BICC1: variants seen among roughly 807,000 people sequenced by gnomAD.
The protein encoded by BICC1 is protein bicaudal C homolog 1.
BICC1 carries 43 observed loss-of-function variants against 111.0 expected under a neutral mutation model. The observed-to-expected ratio is 0.39, with a 90% CI of 0.30 to 0.50. The LOEUF is 0.50. BICC1 is among the 20% of genes least tolerant of loss of function. The probability of loss-of-function intolerance (pLI) is 0.88; values close to 1 mark genes in which losing one functional copy is unlikely to be tolerated. For missense variants in BICC1, 1,091 were observed against 1,203.2 expected (o/e 0.91, Z 1.38); for synonymous variants, 467 against 434.4 (o/e 1.07, Z -0.93).
intron 1 of BICC1, among the ~76,000 whole-genome samples, chr10:58,591,431 C>T (rs1844615199): frequency 2.6e-5 from 4 of 152,130 alleles, no homozygotes; most frequent in Admixed American, 2.6e-4. Context: ...AAAGATCAAG[C>T]GTCTGGCCTT....
intron 1 of BICC1, among the ~76,000 whole-genome samples, chr10:58,611,507 G>A (rs1462911489): frequency 1.3e-5 from 2 of 148,252 alleles, no homozygotes; most frequent in Middle Eastern, 3.5e-3. Context: ...ACAGAATCTC[G>A]CACTGTTGCC....
chr10:58,757,036 A>AC (rs1842167916), intron 3 of BICC1, among the ~76,000 whole-genome samples: 1 of 152,114 alleles, frequency 6.6e-6, no homozygotes, highest in African/African-American at 2.4e-5. Context: ...TTTCTTAGTT[A>AC]CTCTAATAAC....
At chr10:58,628,994 A>C (rs1413235735) in intron 2 of BICC1, among the ~76,000 whole-genome samples, 1 of 152,180 alleles carries the variant, frequency 6.6e-6, no homozygotes, top group African/African-American at 2.4e-5. Flanking sequence ...TGGTGGCTAG[A>C]CTGTGAAAGT....
At chr10:58,701,814 A>G (rs868640018) in intron 2 of BICC1, among the ~76,000 whole-genome samples, 9 of 152,136 alleles carry the variant, frequency 5.9e-5, no homozygotes, top group East Asian at 1.9e-4. Context: ...GTTTGTGTCT[A>G]TGTTAAAATT....
In BICC1 at chr10:58,705,885, T is replaced by C. The variant is rs942244483; in HGVS notation, c.307+3742T>C. 4.4e-4 allele frequency among the ~76,000 whole-genome samples: 67 copies of C among 152,282 alleles called. 1 individual carries two copies. The highest frequency in any genetic ancestry group is 1.6e-3 in the African/African-American group (66 of 41,562). ...ACATCTCTAGAGTATTTGAAATTATTGGAAGGTTGAGTCATCATTAGAGCT... is the reference window on the plus strand; with the variant it reads ...ACATCTCTAGAGTATTTGAAATTATCGGAAGGTTGAGTCATCATTAGAGCT... On this transcript the variant is annotated intron_variant, in intron 3 of 20. Transcript: ENST00000373886.
intron 1 of BICC1, among the ~76,000 whole-genome samples, chr10:58,591,833 T>C (rs754635328): frequency 2.0e-5 from 3 of 152,246 alleles, no homozygotes; most frequent in South Asian, 2.1e-4. Context: ...TACGGATGGT[T>C]GAATGAATGA....
intron 3 of BICC1, among the ~76,000 whole-genome samples, chr10:58,751,541 C>T (rs181720283): frequency 6.6e-6 from 1 of 152,144 alleles, no homozygotes; most frequent in Admixed American, 6.5e-5. Context: ...TTCATTTGTT[C>T]TCTCTGTGTG....
At chr10:58,513,375 T>G in intron 1 of BICC1, 42 bp downstream of exon 1, 1 of 1,513,594 alleles carries the variant, frequency 6.6e-7, no homozygotes, top group Non-Finnish European at 8.9e-7. Flanking sequence ...ACTGAGCCTC[T>G]AACTCCTTTT....
In BICC1 at chr10:58,800,312, C is replaced by T; in HGVS notation, c.1844C>T (p.Ser615Leu). Residue 615 changes from serine to leucine, a missense_variant, in exon 13 of 21, where the codon TCA (serine) becomes TTA (leucine). By Grantham distance (145) the Ser-to-Leu change is moderately radical (BLOSUM62 -2). Around this residue, in one of 3 missense-constraint regions of BICC1, gnomAD observed 843 missense variants for 900.8 expected, o/e 0.94. Coordinates refer to ENST00000373886, the MANE Select transcript of BICC1 (RefSeq NM_001080512.3). ...TSGSEQTSPKSSPTEGCNDAF... is the reference protein window; with the variant it reads ...TSGSEQTSPKLSPTEGCNDAF... ...GGGTCTGAGCAGACATCTCCCAAAT[C>T]AAGCCCCACTGAAGGTCGGGAACTG... 6.2e-7 allele frequency: 1 copy of T among 1,613,546 alleles called. No homozygotes were observed. The highest frequency in any genetic ancestry group is 8.5e-7 in the Non-Finnish European group (1 of 1,179,732).
chr10:58,576,679 A>G (rs1325301803), intron 1 of BICC1, among the ~76,000 whole-genome samples: 1 of 152,192 alleles, frequency 6.6e-6, no homozygotes, highest in Non-Finnish European at 1.5e-5. Context: ...AAAGTGAGGG[A>G]GATATGTATA....
chr10:58,518,887 G>A (rs183840745), intron 1 of BICC1, among the ~76,000 whole-genome samples: 1 of 152,272 alleles, frequency 6.6e-6, no homozygotes, highest in Admixed American at 6.5e-5. Context: ...AGCACTCTCA[G>A]TCACTTATCT....
At chr10:58,693,063 A>G (rs2132416883) in intron 2 of BICC1, among the ~76,000 whole-genome samples, 1 of 151,504 alleles carries the variant, frequency 6.6e-6, no homozygotes, top group South Asian at 2.1e-4. Context: ...TCCTCTATCT[A>G]TGTGTTCTCA....
At position 58,598,446 on chromosome 10, in the gene BICC1, G is replaced by C. The variant is rs1844907497; in HGVS notation, c.191-22409G>C. On this transcript the variant is annotated intron_variant, in intron 1 of 20. Transcript: ENST00000373886. ...TTAATAAATGTTGTTGGGAAAACTG[G>C]CTAGCCATATGCAGAAAACTGAAAC... Among the ~76,000 whole-genome samples, 3 of 152,088 alleles carry C rather than the reference G, an allele frequency of 2.0e-5. No individual in the cohort carries two copies. In the South Asian group the frequency reaches 6.2e-4, roughly 32 times the overall value.
chr10:58,672,681 A>T (rs1257934114), intron 2 of BICC1, among the ~76,000 whole-genome samples: 4 of 152,310 alleles, frequency 2.6e-5, no homozygotes, highest in South Asian at 2.1e-4. Flanking sequence ...CTTGGCCACC[A>T]TCCTTTCCCC....
intron 2 of BICC1, among the ~76,000 whole-genome samples, chr10:58,622,241 G>T (rs1056837409): frequency 6.6e-6 from 1 of 152,140 alleles, no homozygotes; most frequent in African/African-American, 2.4e-5. Flanking sequence ...CCTTGGGTTG[G>T]CTCTGATGGT....
intron 3 of BICC1, among the ~76,000 whole-genome samples, chr10:58,711,029 G>A (rs893269929): frequency 2.0e-5 from 3 of 151,942 alleles, no homozygotes; most frequent in Non-Finnish European, 2.9e-5. Context: ...TTAAATTTTT[G>A]TGGAGTTGGG....
chr10:58,667,436 CTT>C (rs1839047411), intron 2 of BICC1, among the ~76,000 whole-genome samples: 1 of 212 alleles, frequency 4.7e-3, no homozygotes, highest in Non-Finnish European at 9.3e-3. Context: ...TTTGGATACT[CTT>C]ATAATTCTTA....
intron 18 of BICC1, among the ~76,000 whole-genome samples, chr10:58,816,745 C>CTGTGTGTGTGTG (rs56310772): frequency 1.8e-4 from 22 of 122,160 alleles, no homozygotes; most frequent in African/African-American, 5.3e-4. Context: ...ATCTCCAAGG[C>CTGTGTGTGTGTG]TGTGTGTGTG....
At chr10:58,618,500 C>T (rs1223779501) in intron 1 of BICC1, among the ~76,000 whole-genome samples, 2 of 152,188 alleles carry the variant, frequency 1.3e-5, no homozygotes, top group Admixed American at 6.5e-5. Context: ...CAGGTTTGCA[C>T]CCACAGTTCA....
Sources: allele counts gnomAD v4.1 joint callset (sites outside exome capture counted in the v4.1 genomes callset), GRCh38; gene constraint gnomAD v4.1.1; regional missense constraint gnomAD v4.1.1; transcripts MANE v1.5; gene names NCBI Gene and HGNC (gene_info 2026-07-23, HGNC 2026-07-21).